The following IQSEC1 variants were observed in gnomAD, a reference collection of about 807,000 sequenced individuals.
IQSEC1 encodes the protein IQ motif and Sec7 domain ArfGEF 1, also known as IQ motif and SEC7 domain-containing protein 1.
IQSEC1 carries 31 observed loss-of-function variants against 91.0 expected under a neutral mutation model. The observed-to-expected ratio is 0.34, with a 90% CI of 0.26 to 0.46. IQSEC1 has a LOEUF of 0.46. Among genes scored for constraint, IQSEC1 ranks in the 20% least tolerant of loss-of-function variants. IQSEC1 has a pLI of 1.00. For synonymous variants in IQSEC1, 699 were observed against 662.6 expected (o/e 1.05, Z -0.84); for missense variants, 1,388 against 1,575.6 (o/e 0.88, Z 2.02).
intron 1 of IQSEC1, among the ~76,000 whole-genome samples, chr3:13,194,237 A>T (rs1694086236): frequency 6.6e-6 from 1 of 152,104 alleles, no homozygotes; most frequent in Non-Finnish European, 1.5e-5. Flanking sequence ...AGCCGGGAGC[A>T]GTTGGAATGA....
At chr3:13,176,381 C>A (rs1018558443) in intron 1 of IQSEC1, among the ~76,000 whole-genome samples, 1 of 151,802 alleles carries the variant, frequency 6.6e-6, no homozygotes, top group Non-Finnish European at 1.5e-5. Flanking sequence ...GAGTCCTCCC[C>A]TCTTTGACTC....
intron 1 of IQSEC1, among the ~76,000 whole-genome samples, chr3:13,029,181 T>C (rs1442483607): frequency 6.6e-6 from 1 of 152,116 alleles, no homozygotes; most frequent in African/African-American, 2.4e-5. Context: ...GTGACACAGC[T>C]CTCCATCAAC....
At chr3:12,954,763 C>T (rs561289482) in intron 1 of IQSEC1, among the ~76,000 whole-genome samples, 1 of 152,310 alleles carries the variant, frequency 6.6e-6, no homozygotes, top group South Asian at 2.1e-4. Context: ...TCTGAATCTG[C>T]TCAATGAATG....
intron 4 of IQSEC1, among the ~76,000 whole-genome samples, chr3:12,923,232 C>T (rs982984963): frequency 6.6e-6 from 1 of 152,154 alleles, no homozygotes; most frequent in Non-Finnish European, 1.5e-5. Flanking sequence ...ATTTTCTGAC[C>T]TGAGGAAAAC....
chr3:13,091,828 C>T (rs1363709689), intron 2 of IQSEC1, among the ~76,000 whole-genome samples: 1 of 151,912 alleles, frequency 6.6e-6, no homozygotes, highest in Non-Finnish European at 1.5e-5. Flanking sequence ...GGGGAGTCTT[C>T]AGGGGTTTTC....
At chr3:12,918,030 C>T (rs1463507654) in intron 6 of IQSEC1, among the ~76,000 whole-genome samples, 1 of 152,178 alleles carries the variant, frequency 6.6e-6, no homozygotes, top group East Asian at 1.9e-4. Context: ...GACAAGCTGT[C>T]CATGCACTCG....
chr3:13,118,991 C>T (rs980804330), intron 2 of IQSEC1, among the ~76,000 whole-genome samples: 7 of 151,962 alleles, frequency 4.6e-5, no homozygotes, highest in Non-Finnish European at 8.8e-5. Context: ...AGGAGAATTG[C>T]TTGAACCTGG....
chr3:12,900,786 C>G lies in IQSEC1; in HGVS notation c.*197G>C, dbSNP rs985116998. The G allele has an allele frequency of 4.1e-6, 6 of 1,447,258 alleles. No homozygotes were observed. The African/African-American group carries it at 7.1e-5, about 17-fold the overall frequency. The allele number at this position is 1,447,258 out of a possible 1,614,324, so 89.7% of individuals were successfully genotyped here. A position where few individuals can be genotyped will look rare whatever the true frequency, so the allele number is the denominator to read the frequency against. On this transcript the variant is annotated 3_prime_UTR_variant, in exon 14 of 14. Transcript: ENST00000613206. ...AGGTGAGCAGAGCCCAGGGTGCCAA[C>G]AAGAAATGAAATCTGGGCCTTTGTT...
rs2125117478 is a variant in IQSEC1, at chr3:13,073,038, G to C, written c.-24C>G. 1 of 1,551,734 alleles carries C rather than the reference G, an allele frequency of 6.4e-7. No homozygotes were observed. Among genetic ancestry groups the C allele is most frequent in the Non-Finnish European group, 8.7e-7 (1 of 1,146,952 alleles). Reference sequence around the variant, plus strand: ...ATCCTGTGTGAATCCGTTCTTCCCTGTTCTGGCTCCCTCTCCAGCGGGGAG... The same window carrying C: ...ATCCTGTGTGAATCCGTTCTTCCCTCTTCTGGCTCCCTCTCCAGCGGGGAG... On this transcript the variant is annotated 5_prime_UTR_variant, in exon 1 of 14. Transcript: ENST00000613206.
chr3:13,025,123 G>A (rs1050270361), intron 1 of IQSEC1, among the ~76,000 whole-genome samples: 5 of 152,188 alleles, frequency 3.3e-5, no homozygotes, highest in Non-Finnish European at 7.3e-5. Flanking sequence ...TGGCACTGCC[G>A]GGCACGTGTT....
At position 12,937,765 on chromosome 3, in the gene IQSEC1, C is replaced by T. The variant is rs954442416; in HGVS notation, c.319-1068G>A. Among the ~76,000 whole-genome samples, 10 of 152,324 alleles carry T rather than the reference C, an allele frequency of 6.6e-5. No individual in the cohort carries two copies. The East Asian group carries it at 1.2e-3, about 18-fold the overall frequency. On this transcript the variant is annotated intron_variant, in intron 2 of 13. Transcript: ENST00000613206. ...GCATTCTGGGAAGGGATTTACAGTTCGTAAAGCCCCCAAGCTCCCTTGCTC... is the reference window on the plus strand; with the variant it reads ...GCATTCTGGGAAGGGATTTACAGTTTGTAAAGCCCCCAAGCTCCCTTGCTC...
chr3:12,902,939 G>T, intron 12 of IQSEC1, 117 bp from the exon 13 acceptor site: 1 of 798,434 alleles, frequency 1.3e-6, no homozygotes, highest in Non-Finnish European at 2.2e-6. Flanking sequence ...AGGCACAGGT[G>T]CCGGGCCCAC....
intron 2 of IQSEC1, among the ~76,000 whole-genome samples, chr3:13,090,988 G>A (rs2125139536): frequency 6.6e-6 from 1 of 152,296 alleles, no homozygotes; most frequent in Middle Eastern, 3.4e-3. Flanking sequence ...CCAGCCAGGA[G>A]GAAGATTAAT....
At chr3:12,944,572 T>C (rs1414952899) in intron 1 of IQSEC1, among the ~76,000 whole-genome samples, 10 of 152,154 alleles carry the variant, frequency 6.6e-5, no homozygotes. Context: ...CGCCTCGTCT[T>C]TGCAGCCCGA....
chr3:12,967,341 C>A lies in IQSEC1; in HGVS notation c.24-25476G>T, dbSNP rs980946821. ...CATCCCCACAGCCTGCGCCAGCCCA[C>A]CGCTCAGCACCCGGGAAGGCCGCTC... On this transcript the variant is annotated intron_variant, in intron 1 of 13. Coordinates refer to ENST00000613206, the MANE Select transcript of IQSEC1 (RefSeq NM_001134382.3). The surrounding 1 kb of genome is among the most constrained non-coding windows in gnomAD (Gnocchi z 5.9). The A allele has an allele frequency of 1.4e-5, 21 of 1,492,616 alleles. 1 individual carries two copies. Among genetic ancestry groups the A allele is most frequent in the Non-Finnish European group, 1.5e-5 (17 of 1,112,322 alleles). 92.5% of individuals were successfully genotyped at this position (1,492,616 alleles called of 1,614,324 possible). A position where few individuals can be genotyped will look rare whatever the true frequency, so the allele number is the denominator to read the frequency against.
rs373586384 is a variant in IQSEC1, at chr3:12,899,461, C to G, written c.*1522G>C. 1 of 1,603,824 alleles carries G rather than the reference C, an allele frequency of 6.2e-7. No individual in the cohort carries two copies. Among genetic ancestry groups the G allele is most frequent in the Non-Finnish European group, 8.5e-7 (1 of 1,175,828 alleles). On this transcript the variant is annotated 3_prime_UTR_variant, in exon 14 of 14. Transcript: ENST00000613206. ...TACAAAGTATGGCCCGTGGGTGACT[C>G]GGGCACAGACCTGCCGCGTGCAGGT...
At chr3:13,095,819 C>G (rs542809805) in intron 2 of IQSEC1, among the ~76,000 whole-genome samples, 2 of 152,178 alleles carry the variant, frequency 1.3e-5, no homozygotes, top group African/African-American at 4.8e-5. Flanking sequence ...CACAGCCCCA[C>G]GCAAAAGCGC....
In IQSEC1 at chr3:12,908,010, G is replaced by C. The variant is rs750288; in HGVS notation, c.2755+339C>G. Among the ~76,000 whole-genome samples the C allele has an allele frequency of 6.6e-3, 1,007 of 152,292 alleles. 14 individuals are homozygous for C. Among genetic ancestry groups the C allele is most frequent in the East Asian group, 0.063 (326 of 5,184 alleles). ...AGGGACGCGGCCGCACAGAGAGCAC[G>C]GGACACAGCCGCCGGCTCACTCGGG... is the stretch of plus-strand genomic sequence containing the variant. On this transcript the variant is annotated intron_variant, in intron 12 of 13. Coordinates refer to ENST00000613206, the MANE Select transcript of IQSEC1 (RefSeq NM_001134382.3). This position sits in a 1 kb window ranked among gnomAD's most constrained non-coding sequence, Gnocchi z 4.9.
intron 1 of IQSEC1, among the ~76,000 whole-genome samples, chr3:13,059,239 C>T (rs917513946): frequency 2.8e-4 from 42 of 152,248 alleles, no homozygotes; most frequent in African/African-American, 9.6e-4. Flanking sequence ...TCGGCAATGG[C>T]GCTGCCACCC....
Sources: gnomAD v4.1 joint callset for allele counts (sites outside exome capture counted in the v4.1 genomes callset) on GRCh38, gnomAD v4.1.1 for gene constraint, Gnocchi (gnomAD v3.1) non-coding constraint, MANE v1.5 for transcripts, NCBI Gene and HGNC (gene_info 2026-07-23, HGNC 2026-07-21) for gene names.